The following FLNB variants were observed in gnomAD, a reference collection of about 807,000 sequenced individuals.
FLNB encodes the protein filamin B.
In FLNB, 111 loss-of-function variants were observed where a neutral mutation model predicts 250.6. The ratio of observed to expected loss-of-function variants is 0.44; its 90% CI spans 0.38 to 0.52. The LOEUF is 0.52. FLNB is among the 20% of genes least tolerant of loss of function. The pLI, the probability that FLNB is intolerant of heterozygous loss-of-function variation, is 0.00. For synonymous variants in FLNB, 1,302 were observed against 1,372.1 expected (o/e 0.95, Z 1.13); for missense variants, 2,869 against 3,447.8 (o/e 0.83, Z 4.20).
In FLNB at chr3:58,121,374, G is replaced by C; in HGVS notation, c.2997G>C (p.Arg999=). ...VPCLVTPVTG[R]ENSTAKFIPR... is the part of the protein sequence containing the mutation. ...GCCTAGTGACACCTGTGACAGGCCGGGAGAACAGCACGGCCAAGTTCATCC... is the reference window on the plus strand; with the variant it reads ...GCCTAGTGACACCTGTGACAGGCCGCGAGAACAGCACGGCCAAGTTCATCC... Residue 999 remains arginine, a synonymous_variant, in exon 20 of 46, where the codon CGG becomes CGC. Coordinates refer to ENST00000295956, the MANE Select transcript of FLNB (RefSeq NM_001457.4). The C allele has an allele frequency of 6.2e-7, 1 of 1,614,182 alleles. No individual in the cohort carries two copies.
At position 58,106,793 on chromosome 3, in the gene FLNB, A is replaced by G. The variant is rs1408888760; in HGVS notation, c.1861A>G (p.Met621Val). 3 of 1,614,098 alleles carry G rather than the reference A, an allele frequency of 1.9e-6. No homozygotes were observed. The highest frequency in any genetic ancestry group is 2.5e-6 in the Non-Finnish European group (3 of 1,180,002). Reference protein sequence around the residue: ...KEPGEYAVHIMCDDEDIKDSP... With the variant: ...KEPGEYAVHIVCDDEDIKDSP... Reference sequence around the variant, plus strand: ...GCCTGGCGAATATGCTGTTCACATCATGTGTGACGACGAAGACATCAAGGA... The same window carrying G: ...GCCTGGCGAATATGCTGTTCACATCGTGTGTGACGACGAAGACATCAAGGA... Residue 621 changes from methionine (M) to valine (V), a missense_variant, in exon 12 of 46, where the codon ATG becomes GTG. Met to Val is a conservative substitution (Grantham distance 21, BLOSUM62 1). Coordinates refer to ENST00000295956, the MANE Select transcript of FLNB (RefSeq NM_001457.4).
intron 41 of FLNB, among the ~76,000 whole-genome samples, chr3:58,156,753 G>C (rs1254527171): frequency 6.6e-6 from 1 of 152,180 alleles, no homozygotes; most frequent in East Asian, 1.9e-4. Context: ...CTGGAGTGCA[G>C]TGGCATGATC....
intron 24 of FLNB, among the ~76,000 whole-genome samples, chr3:58,130,171 G>A (rs1346748550): frequency 6.6e-6 from 1 of 152,130 alleles, no homozygotes; most frequent in South Asian, 2.1e-4. Context: ...AGCCATGTGT[G>A]GGGGACAGGG....
intron 8 of FLNB, among the ~76,000 whole-genome samples, chr3:58,100,369 A>ATATATATATATATATATATATATAT (rs1559692340): frequency 7.5e-5 from 2 of 26,620 alleles, no homozygotes; most frequent in African/African-American, 6.0e-4. Context: ...ATATGTAAAA[A>ATATATATATATATATATATATATAT]AAAAATATAT....
At chr3:58,114,709 T>G (rs2097274906) in intron 18 of FLNB, among the ~76,000 whole-genome samples, 2 of 143,994 alleles carry the variant, frequency 1.4e-5, no homozygotes, top group African/African-American at 5.4e-5. Flanking sequence ...TTTTTTCTGT[T>G]TTTTTTTTTT....
chr3:58,064,058 C>T (rs2097182060), intron 1 of FLNB, among the ~76,000 whole-genome samples: 1 of 152,070 alleles, frequency 6.6e-6, no homozygotes, highest in Non-Finnish European at 1.5e-5. Context: ...TTTGTAGAGT[C>T]ATTTCAAGCC....
Position 58,138,252 on chromosome 3 carries a change from TC to T in FLNB, c.4862-28del, listed in dbSNP as rs560249869. Reference sequence around the variant, plus strand: ...GGCCTCCAGGATGTGTGTCCATACTTCCATTCTCTTCCCCTGAACTCTTCTC... The same window carrying T: ...GGCCTCCAGGATGTGTGTCCATACTTCATTCTCTTCCCCTGAACTCTTCTC... On this transcript the variant is annotated intron_variant, in intron 28 of 45. Coordinates refer to ENST00000295956, the MANE Select transcript of FLNB (RefSeq NM_001457.4). 1.3e-3 allele frequency: 2,041 copies of T among 1,612,656 alleles called. 29 individuals carry two copies. The African/African-American group carries it at 0.023, about 18-fold the overall frequency.
intron 1 of FLNB, among the ~76,000 whole-genome samples, chr3:58,028,212 G>A (rs1370784971): frequency 1.3e-5 from 2 of 152,116 alleles, no homozygotes; most frequent in African/African-American, 4.8e-5. Flanking sequence ...GAGTATAGAG[G>A]GGATTGGGAC....
At chr3:58,102,965 T>C (rs898838059) in intron 9 of FLNB, among the ~76,000 whole-genome samples, 7 of 152,148 alleles carry the variant, frequency 4.6e-5, no homozygotes, top group Admixed American at 2.6e-4. Context: ...ACTTTTTTCG[T>C]TGGAACAGAG....
At chr3:58,114,087 A>G (rs1344196742) in intron 18 of FLNB, among the ~76,000 whole-genome samples, 1 of 151,880 alleles carries the variant, frequency 6.6e-6, no homozygotes, top group Non-Finnish European at 1.5e-5. Context: ...CACTGTATGT[A>G]TATATGTTTT....
At chr3:58,157,491 A>T (rs551066533) in intron 41 of FLNB, among the ~76,000 whole-genome samples, 7 of 152,214 alleles carry the variant, frequency 4.6e-5, no homozygotes, top group Non-Finnish European at 8.8e-5. Context: ...ACAGAACCCA[A>T]ACCAGACTCA....
chr3:58,091,814 T>C (rs141050655), intron 4 of FLNB, among the ~76,000 whole-genome samples: 413 of 152,320 alleles, frequency 2.7e-3, no homozygotes, highest in Admixed American at 3.8e-3. Flanking sequence ...GTCTTAGCCC[T>C]CACACTATAA....
At chr3:58,087,026 G>A (rs1014256423) in intron 4 of FLNB, among the ~76,000 whole-genome samples, 5 of 152,130 alleles carry the variant, frequency 3.3e-5, no homozygotes, top group African/African-American at 9.7e-5. Flanking sequence ...CAGGAAAATC[G>A]CTTGAACCTG....
rs760725144 is a variant in FLNB at position 58,123,209 on chromosome 3, C to A, written c.3243C>A (p.Cys1081Ter). 2 of 1,613,940 alleles carry A rather than the reference C, an allele frequency of 1.2e-6. No homozygotes were observed. Among genetic ancestry groups the A allele is most frequent in the Non-Finnish European group, 8.5e-7 (1 of 1,179,872 alleles). ...GGLGLTVEGP[C>*]EAKIECSDNG... is the part of the protein sequence containing the mutation. Reference sequence around the variant, plus strand: ...TGGGCTTAACGGTGGAAGGTCCGTGCGAGGCCAAAATCGAGTGCTCCGACA... The same window carrying A: ...TGGGCTTAACGGTGGAAGGTCCGTGAGAGGCCAAAATCGAGTGCTCCGACA... The change falls in exon 21 of 46, where the codon TGC (cysteine) becomes TGA (stop). Residue 1081 changes from cysteine to a stop codon, truncating the protein, a stop_gained. Coordinates refer to ENST00000295956, the MANE Select transcript of FLNB (RefSeq NM_001457.4). LOFTEE classifies it high-confidence loss of function.
chr3:58,024,865 A>G (rs2097120925), intron 1 of FLNB, among the ~76,000 whole-genome samples: 1 of 151,110 alleles, frequency 6.6e-6, no homozygotes, highest in South Asian at 2.1e-4. Flanking sequence ...AGGTGCCGCC[A>G]CTATGCCCAG....
Position 58,136,062 on chromosome 3 carries a change from T to G in FLNB, c.4755T>G (p.Thr1585=). The G allele has an allele frequency of 6.2e-7, 1 of 1,614,218 alleles. No homozygotes were observed. Among genetic ancestry groups the G allele is most frequent in the Non-Finnish European group, 8.5e-7 (1 of 1,180,020 alleles). The change falls in exon 28 of 46, where the codon ACT becomes ACG. Residue 1585 remains threonine, a synonymous_variant. Transcript: ENST00000295956. The part of the protein sequence containing the change: ...TYAVTYIPDK[T]GRYMIGVTYG... ...CTGTCACCTACATCCCCGACAAGAC[T>G]GGGCGCTATATGATTGGAGTCACCT... is the stretch of plus-strand genomic sequence containing the variant.
At position 58,121,935 on chromosome 3, in the gene FLNB, C is replaced by T. The variant is rs150837771; in HGVS notation, c.3126+432C>T. Among the ~76,000 whole-genome samples, 1,378 of 152,030 alleles carry T rather than the reference C, an allele frequency of 9.1e-3. 21 individuals carry two copies. The highest frequency in any genetic ancestry group is 0.06 in the East Asian group (312 of 5,172). ...CTGTAATCCCAGCACTTTGGGAGGC[C>T]GAGGCGGGCGGATCATGAGGTCAGG... On this transcript the variant is annotated intron_variant, in intron 20 of 45. Coordinates refer to ENST00000295956, the MANE Select transcript of FLNB (RefSeq NM_001457.4).
intron 4 of FLNB, among the ~76,000 whole-genome samples, chr3:58,083,362 T>C (rs2097212039): frequency 6.8e-6 from 1 of 146,208 alleles, no homozygotes; most frequent in Admixed American, 6.9e-5. Flanking sequence ...TGGTATCAGC[T>C]TAGTCTTTTT....
rs756771275 is a variant in FLNB at position 58,109,685 on chromosome 3, C to G, written c.2309C>G (p.Thr770Ser). 1.2e-6 allele frequency: 2 copies of G among 1,614,072 alleles called. No homozygotes were observed. The highest frequency in any genetic ancestry group is 1.7e-6 in the Non-Finnish European group (2 of 1,179,998). Residue 770 changes from threonine (T) to serine (S), a missense_variant, in exon 15 of 46, where the codon ACT becomes AGT. Transcript: ENST00000295956. ...NEPTHFTVDC[T>S]EAGEGDVSVG... ...CCTACACACTTCACGGTGGACTGTA[C>G]TGAGGCTGGGGAAGGTGAGAAAGGG...
Sources: allele counts gnomAD v4.1 joint callset (sites outside exome capture counted in the v4.1 genomes callset), GRCh38; gene constraint gnomAD v4.1.1; transcripts MANE v1.5; gene names NCBI Gene and HGNC (gene_info 2026-07-23, HGNC 2026-07-21).